RBFOX1: variants seen among roughly 807,000 people sequenced by gnomAD.
The protein encoded by RBFOX1 is RNA binding fox-1 homolog 1.
A neutral mutation model predicts 57.7 loss-of-function variants in RBFOX1; 8 were observed. The observed-to-expected ratio is 0.14, with a 90% CI of 0.08 to 0.25. RBFOX1 has a LOEUF of 0.25. Ranked by LOEUF, RBFOX1 falls within the 10% of genes least tolerant of loss-of-function variation. The probability of loss-of-function intolerance (pLI) is 1.00; values close to 1 mark genes in which losing one functional copy is unlikely to be tolerated. For synonymous variants in RBFOX1, 326 were observed against 222.4 expected (o/e 1.47, Z -4.15); for missense variants, 611 against 548.5 (o/e 1.11, Z -1.14).
At chr16:6,382,059 G>C (rs965924151) in intron 2 of RBFOX1, among the ~76,000 whole-genome samples, 1 of 152,222 alleles carries the variant, frequency 6.6e-6, no homozygotes, top group Non-Finnish European at 1.5e-5. Flanking sequence ...TAGCGTGAAA[G>C]CTGCCTTGAT....
intron 4 of RBFOX1, among the ~76,000 whole-genome samples, chr16:7,302,082 G>C (rs1052695545): frequency 6.6e-6 from 1 of 152,120 alleles, no homozygotes; most frequent in Non-Finnish European, 1.5e-5. Context: ...CAGAATAGCA[G>C]CCTCTACTTT....
intron 2 of RBFOX1, among the ~76,000 whole-genome samples, chr16:6,612,312 A>G (rs967224063): frequency 2.0e-5 from 3 of 152,218 alleles, no homozygotes; most frequent in Admixed American, 6.5e-5. Flanking sequence ...CAACTTTGGG[A>G]TGATATTACA....
intron 3 of RBFOX1, among the ~76,000 whole-genome samples, chr16:5,668,693 T>G (rs2049925220): frequency 1.3e-5 from 2 of 152,306 alleles, no homozygotes; most frequent in South Asian, 4.1e-4. Flanking sequence ...TCAAGATGTC[T>G]CTGTATGTGA....
chr16:6,250,267 C>T (rs1204363513), intron 1 of RBFOX1, among the ~76,000 whole-genome samples: 7 of 152,038 alleles, frequency 4.6e-5, no homozygotes, highest in African/African-American at 1.7e-4. Context: ...AGGCTAGGTG[C>T]TCAGTATGTG....
In RBFOX1 at chr16:7,038,793, A is replaced by G. The variant is rs182790642; in HGVS notation, c.-15-13264A>G. ...TGATTAATCTGTCTGGACCTGGGGG[A>G]CTTCTTTTGTTGATAATGGGGTCTT... On this transcript the variant is annotated intron_variant, in intron 3 of 15. Transcript: ENST00000550418. Among the ~76,000 whole-genome samples, 107 of 152,054 alleles carry G rather than the reference A, an allele frequency of 7.0e-4. 2 individuals carry two copies. The highest frequency in any genetic ancestry group is 2.6e-3 in the African/African-American group (107 of 41,460).
chr16:6,017,104 T>G (rs944687257), upstream of RBFOX1, among the ~76,000 whole-genome samples: 1 of 152,182 alleles, frequency 6.6e-6, no homozygotes, highest in African/African-American at 2.4e-5. Flanking sequence ...TTATTTCCAA[T>G]GGTAAATATA....
At chr16:5,329,705 C>G (rs2064692000) in intron 1 of RBFOX1, among the ~76,000 whole-genome samples, 1 of 152,134 alleles carries the variant, frequency 6.6e-6, no homozygotes, top group East Asian at 1.9e-4. Context: ...AGTCCAAGAT[C>G]AAGACATATG....
At chr16:5,295,693 G>A (rs1483833503) in intron 1 of RBFOX1, among the ~76,000 whole-genome samples, 4 of 152,168 alleles carry the variant, frequency 2.6e-5, no homozygotes, top group African/African-American at 9.7e-5. Flanking sequence ...CAGTCTCCTA[G>A]CAAGACAACT....
intron 4 of RBFOX1, among the ~76,000 whole-genome samples, chr16:7,215,020 T>G (rs2091801042): frequency 6.6e-6 from 1 of 152,192 alleles, no homozygotes; most frequent in South Asian, 2.1e-4. Flanking sequence ...AAGCCCCACA[T>G]GCATTAGCTA....
At chr16:6,793,791 G>A (rs2083414859) in intron 3 of RBFOX1, among the ~76,000 whole-genome samples, 2 of 152,158 alleles carry the variant, frequency 1.3e-5, no homozygotes, top group Non-Finnish European at 1.5e-5. Flanking sequence ...ATGTTGGTGT[G>A]TGGATTTGGT....
intron 1 of RBFOX1, among the ~76,000 whole-genome samples, chr16:5,348,144 A>G (rs886743417): frequency 7.1e-6 from 1 of 141,046 alleles, no homozygotes; most frequent in Middle Eastern, 3.6e-3. Flanking sequence ...CCATCCACCC[A>G]TGTATCCATC....
chr16:5,501,318 CAAAAAA>C (rs1160788118), intron 2 of RBFOX1, among the ~76,000 whole-genome samples: 1 of 64,894 alleles, frequency 1.5e-5, no homozygotes, highest in Non-Finnish European at 3.2e-5. Context: ...ACTCTGTCTA[CAAAAAA>C]AAAAAAAAAA....
intron 1 of RBFOX1, among the ~76,000 whole-genome samples, chr16:5,455,621 A>T (rs942450468): frequency 4.6e-5 from 7 of 152,080 alleles, no homozygotes; most frequent in African/African-American, 1.7e-4. Context: ...ACTCATCTGG[A>T]TTCCCTTCTC....
chr16:5,347,932 C>A (rs537361949), intron 1 of RBFOX1, among the ~76,000 whole-genome samples: 1 of 133,670 alleles, frequency 7.5e-6, no homozygotes, highest in African/African-American at 2.8e-5. Context: ...ACCCATCCTT[C>A]CACTCAATCA....
At chr16:7,096,417 C>T (rs910933528) in intron 4 of RBFOX1, among the ~76,000 whole-genome samples, 1 of 152,154 alleles carries the variant, frequency 6.6e-6, no homozygotes, top group Admixed American at 6.5e-5. Context: ...TCTGAGGCAA[C>T]CACTAGTAGC....
At chr16:7,027,321 A>G (rs1005605839) in intron 3 of RBFOX1, among the ~76,000 whole-genome samples, 1 of 152,218 alleles carries the variant, frequency 6.6e-6, no homozygotes, top group Non-Finnish European at 1.5e-5. Flanking sequence ...TTTAAAATGC[A>G]TTATAGAATT....
intron 4 of RBFOX1, among the ~76,000 whole-genome samples, chr16:7,330,329 T>C (rs1802170806): frequency 6.6e-6 from 1 of 152,016 alleles, no homozygotes; most frequent in South Asian, 2.1e-4. Flanking sequence ...TTATACTCTA[T>C]TGTTTAGGAA....
intron 1 of RBFOX1, among the ~76,000 whole-genome samples, chr16:6,299,410 G>C (rs1381596362): frequency 6.6e-6 from 1 of 152,202 alleles, no homozygotes. Flanking sequence ...ATGAGTGGCA[G>C]TATCATGACT....
intron 1 of RBFOX1, among the ~76,000 whole-genome samples, chr16:5,448,565 TGGGGTGAAGACC>T (rs2068323717): frequency 6.6e-6 from 1 of 152,190 alleles, no homozygotes; most frequent in Non-Finnish European, 1.5e-5. Flanking sequence ...GGCAGGAGAC[TGGGGTGAAGACC>T]CCATGGAACT....
Sources: allele counts gnomAD v4.1 joint callset (sites outside exome capture counted in the v4.1 genomes callset), GRCh38; gene constraint gnomAD v4.1.1; transcripts MANE v1.5; gene names NCBI Gene and HGNC (gene_info 2026-07-23, HGNC 2026-07-21).